ZNF608: variants seen among roughly 807,000 people sequenced by gnomAD.
ZNF608 encodes the protein renal carcinoma antigen NY-REN-36.
ZNF608 carries 12 observed loss-of-function variants against 109.0 expected under a neutral mutation model. That is an observed-to-expected ratio of 0.11 (90% confidence interval 0.07 to 0.18). The LOEUF is 0.18. ZNF608 is among the 10% of genes least tolerant of loss of function. ZNF608 has a pLI of 1.00. For missense variants in ZNF608, 1,707 were observed against 1,879.3 expected, an observed-to-expected ratio of 0.91 and a Z score of 1.70; for synonymous variants, 732 against 717.4, an observed-to-expected ratio of 1.02 and a Z score of -0.33.
At chr5:124,670,994 C>T (rs1462197312) in intron 3 of ZNF608, among the ~76,000 whole-genome samples, 1 of 152,222 alleles carries the variant, frequency 6.6e-6, no homozygotes, top group African/African-American at 2.4e-5. Flanking sequence ...GAGCTGTATT[C>T]TACCTGCTAT....
chr5:124,742,067 T>C (rs962762889), intron 2 of ZNF608, among the ~76,000 whole-genome samples: 1 of 152,116 alleles, frequency 6.6e-6, no homozygotes, highest in East Asian at 1.9e-4. Flanking sequence ...ACTTGTTTGC[T>C]CTTCATTTAT....
At chr5:124,683,343 A>G (rs1202911210) in intron 3 of ZNF608, among the ~76,000 whole-genome samples, 1 of 152,194 alleles carries the variant, frequency 6.6e-6, no homozygotes, top group South Asian at 2.1e-4. Context: ...TTAAGGTACT[A>G]TCATCTAGAA....
At chr5:124,645,623 C>T (rs567751961) in intron 5 of ZNF608, among the ~76,000 whole-genome samples, 10 of 152,122 alleles carry the variant, frequency 6.6e-5, no homozygotes, top group Admixed American at 5.2e-4. Context: ...TTAATGCTCA[C>T]GGGGTTGCAG....
At chr5:124,721,941 CAAAAAAAAAAAAAAAAA>C (rs199699487) in intron 2 of ZNF608, among the ~76,000 whole-genome samples, 13 of 20,816 alleles carry the variant, frequency 6.2e-4, no homozygotes, top group Middle Eastern at 0.05. Context: ...GACTCTGTCT[CAAAAAAAAAAAAAAAAA>C]AAAAAAAAAA....
At chr5:124,690,629 C>T (rs1752578586) in intron 3 of ZNF608, among the ~76,000 whole-genome samples, 1 of 152,056 alleles carries the variant, frequency 6.6e-6, no homozygotes, top group Non-Finnish European at 1.5e-5. Flanking sequence ...AGGAAGATCG[C>T]TTGAACCCAG....
upstream of ZNF608, among the ~76,000 whole-genome samples, chr5:124,747,028 G>A (rs1413705003): frequency 2.0e-5 from 3 of 151,964 alleles, no homozygotes; most frequent in African/African-American, 7.3e-5. Flanking sequence ...AGGATGTGAT[G>A]TTTTCCTGTC....
rs1371063624 is a variant in ZNF608 at position 124,649,597 on chromosome 5, G to A, written c.1250+13C>T. Reference sequence around the variant, plus strand: ...GGATGGGGAAGGAGAGAAATAAAAGGCCCTGTTCATACCTGGGAGGGGCCC... The same window carrying A: ...GGATGGGGAAGGAGAGAAATAAAAGACCCTGTTCATACCTGGGAGGGGCCC... On this transcript the variant is annotated intron_variant, in intron 4 of 9. Transcript: ENST00000513986. The A allele has an allele frequency of 1.9e-6, 3 of 1,603,006 alleles. No homozygotes were observed. The highest frequency in any genetic ancestry group is 4.5e-5 in the East Asian group (2 of 44,718).
intron 3 of ZNF608, among the ~76,000 whole-genome samples, chr5:124,699,022 G>A (rs1048803833): frequency 4.6e-5 from 7 of 152,172 alleles, no homozygotes; most frequent in Admixed American, 6.5e-5. Flanking sequence ...GAAATGGGAA[G>A]ACAGCATTTC....
intron 2 of ZNF608, among the ~76,000 whole-genome samples, chr5:124,740,294 C>G (rs1194177816): frequency 6.6e-6 from 1 of 152,070 alleles, no homozygotes; most frequent in African/African-American, 2.4e-5. Flanking sequence ...GTGAGGAGGC[C>G]TATAGAAAAG....
intron 2 of ZNF608, among the ~76,000 whole-genome samples, chr5:124,714,380 T>C (rs928888801): frequency 7.9e-5 from 12 of 152,222 alleles, no homozygotes; most frequent in African/African-American, 2.2e-4. Flanking sequence ...AGTCTAGTCA[T>C]GGATGCACAA....
At chr5:124,681,925 C>T (rs11951727) in intron 3 of ZNF608, among the ~76,000 whole-genome samples, 42,625 of 152,124 alleles carry the variant, frequency 0.28, 6,154 homozygotes, top group Non-Finnish European at 0.3. Flanking sequence ...AGCATAATCT[C>T]CAGAAGTCTG....
At chr5:124,684,642 A>T (rs556309865) in intron 3 of ZNF608, among the ~76,000 whole-genome samples, 7 of 152,324 alleles carry the variant, frequency 4.6e-5, no homozygotes, top group Admixed American at 2.6e-4. Context: ...ATATGTACAT[A>T]TATTTTTATA....
chr5:124,659,815 A>C (rs566589254), intron 3 of ZNF608, among the ~76,000 whole-genome samples: 6 of 152,224 alleles, frequency 3.9e-5, no homozygotes, highest in African/African-American at 1.4e-4. Context: ...ACCAATTGAC[A>C]ATTATGCTCC....
rs532986043 is a variant in ZNF608 at position 124,744,212 on chromosome 5, C to T, written c.778G>A (p.Val260Ile). 5 of 1,613,848 alleles carry T rather than the reference C, an allele frequency of 3.1e-6. 1 individual carries two copies. The South Asian group carries it at 5.5e-5, about 18-fold the overall frequency. ...TTGCTAACTTCCCCTGCAGCGGCGA[C>T]GCTGCCACTCCCAGTGCCCCCGCAG... ...FHCGGTGSGS[V>I]AAAGEVSKSA... Residue 260 changes from valine to isoleucine, a missense_variant, in exon 2 of 10, where the codon GTC becomes ATC. This residue lies in a region of ZNF608 where 407 missense variants were observed against 398.7 expected (regional missense o/e 1.02). Coordinates refer to ENST00000513986, the MANE Select transcript of ZNF608 (RefSeq NM_020747.3). The surrounding 1 kb of genome is among the most constrained non-coding windows in gnomAD (Gnocchi z 4.5).
At chr5:124,683,068 A>AAGC (rs1752262040) in intron 3 of ZNF608, among the ~76,000 whole-genome samples, 1 of 152,058 alleles carries the variant, frequency 6.6e-6, no homozygotes, top group Non-Finnish European at 1.5e-5. Flanking sequence ...GCTGGGAAGC[A>AAGC]AGCTGCCATG....
At position 124,744,381 on chromosome 5, in the gene ZNF608, C is replaced by A; in HGVS notation, c.609G>T (p.Arg203=). The change falls in exon 2 of 10, where the codon CGG becomes CGT. Residue 203 remains arginine (R), a synonymous_variant. Coordinates refer to ENST00000513986, the MANE Select transcript of ZNF608 (RefSeq NM_020747.3). This position sits in a 1 kb window ranked among gnomAD's most constrained non-coding sequence, Gnocchi z 4.5. The part of the protein sequence containing the change: ...GKSQSSRGAK[R]DKDAGKSRKD... The stretch of plus-strand genomic sequence containing the variant: ...TCCTGGATTTCCCCGCATCCTTATC[C>A]CGCTTGGCGCCTCGGCTGCTCTGGC... The A allele has an allele frequency of 6.2e-7, 1 of 1,614,276 alleles. No homozygotes were observed. The highest frequency in any genetic ancestry group is 8.5e-7 in the Non-Finnish European group (1 of 1,180,046).
intron 2 of ZNF608, among the ~76,000 whole-genome samples, chr5:124,709,886 T>C (rs1039540282): frequency 1.3e-5 from 2 of 152,196 alleles, no homozygotes; most frequent in African/African-American, 4.8e-5. Flanking sequence ...ACAAGGCCCT[T>C]TGTACAAAGC....
intron 3 of ZNF608, among the ~76,000 whole-genome samples, chr5:124,686,426 C>T (rs545648678): frequency 9.1e-4 from 138 of 152,320 alleles, no homozygotes; most frequent in African/African-American, 3.2e-3. Flanking sequence ...CTGAAAGTGA[C>T]TCTCACACAC....
intron 2 of ZNF608, among the ~76,000 whole-genome samples, chr5:124,711,787 A>T (rs115834942): frequency 0.011 from 1,662 of 152,268 alleles, 43 homozygotes; most frequent in African/African-American, 0.038. Flanking sequence ...GGACAGGGAG[A>T]GCTGAGGCTG....
Sources: gnomAD v4.1 joint callset for allele counts (sites outside exome capture counted in the v4.1 genomes callset) on GRCh38, gnomAD v4.1.1 for gene constraint, gnomAD v4.1.1 regional missense constraint, Gnocchi (gnomAD v3.1) non-coding constraint, MANE v1.5 for transcripts, NCBI Gene and HGNC (gene_info 2026-07-23, HGNC 2026-07-21) for gene names.